Variants in PRKCQ observed in about 807,000 individuals in gnomAD.
The protein encoded by PRKCQ is protein kinase C theta, also known as protein kinase C theta type.
A neutral mutation model predicts 91.2 loss-of-function variants in PRKCQ; 41 were observed. The ratio of observed to expected loss-of-function variants is 0.45; its 90% CI spans 0.35 to 0.58. PRKCQ has a LOEUF of 0.58. PRKCQ is among the 20% of genes least tolerant of loss of function. PRKCQ has a pLI of 0.00. For synonymous variants in PRKCQ, 307 were observed against 316.9 expected, an observed-to-expected ratio of 0.97 and a Z score of 0.33; for missense variants, 673 against 896.5, an observed-to-expected ratio of 0.75 and a Z score of 3.18.
chr10:6,449,487 G>C (rs1178706024), intron 15 of PRKCQ, among the ~76,000 whole-genome samples: 1 of 152,088 alleles, frequency 6.6e-6, no homozygotes, highest in East Asian at 1.9e-4. Flanking sequence ...AGGGAGAATG[G>C]AACCAAGTTG....
intron 15 of PRKCQ, among the ~76,000 whole-genome samples, chr10:6,449,753 G>A (rs1252609314): frequency 6.6e-6 from 1 of 152,194 alleles, no homozygotes; most frequent in Admixed American, 6.5e-5. Context: ...AACTCTACAA[G>A]CCAGAAGACA....
In PRKCQ at chr10:6,479,019, C is replaced by T. The variant is rs17301189; in HGVS notation, c.1326G>A (p.Thr442=). The change falls in exon 12 of 18, where the codon ACG becomes ACA. Residue 442 remains threonine (T), a synonymous_variant. Coordinates refer to ENST00000263125, the MANE Select transcript of PRKCQ (RefSeq NM_006257.5). ...LSLAWEHPFL[T]HMFCTFQTKE... ...TGGTCTGGAATGTACAAAACATGTG[C>T]GTCAGAAACGGATGCTCCCAGGCCA... 9.3e-3 allele frequency: 14,973 copies of T among 1,614,094 alleles called. 93 individuals are homozygous for T. The highest frequency in any genetic ancestry group is 0.01 in the Non-Finnish European group (12,018 of 1,180,010).
chr10:6,443,090 A>G (rs952628801), intron 15 of PRKCQ, among the ~76,000 whole-genome samples: 27 of 152,326 alleles, frequency 1.8e-4, no homozygotes, highest in Middle Eastern at 3.4e-3. Flanking sequence ...AAGCCTACCT[A>G]ACATTTTGAA....
rs139505086 is a variant in PRKCQ at position 6,550,580 on chromosome 10, G to T, written c.-10+29631C>A. 4.2e-3 allele frequency among the ~76,000 whole-genome samples: 637 copies of T among 152,326 alleles called. 2 individuals carry two copies. The highest frequency in any genetic ancestry group is 6.5e-3 in the Admixed American group (100 of 15,304). ...TGAACCACTGTGCCCAGCCTCCATT[G>T]CATGTTTGTAGCATATTTTGTTCAT... On this transcript the variant is annotated intron_variant, in intron 1 of 17. Coordinates refer to ENST00000263125, the MANE Select transcript of PRKCQ (RefSeq NM_006257.5).
chr10:6,579,985 A>C (rs1588446161), intron 1 of PRKCQ, among the ~76,000 whole-genome samples: 1 of 152,108 alleles, frequency 6.6e-6, no homozygotes, highest in African/African-American at 2.4e-5. Context: ...TAAGGTCGCC[A>C]GCATCCCGCA....
At chr10:6,419,189 C>CTCTA in the PRKCQ span, among the ~76,000 whole-genome samples, 17,160 of 151,602 alleles carry the variant, frequency 0.11, 2,703 homozygotes, top group African/African-American at 0.36. Context: ...CTGTCTATCT[C>CTCTA]TCTATCTCTC....
At position 6,576,279 on chromosome 10, in the gene PRKCQ, C is replaced by A. The variant is rs1350603247; in HGVS notation, c.-10+3932G>T. Among the ~76,000 whole-genome samples the A allele has an allele frequency of 6.6e-6, 1 of 152,138 alleles. No homozygotes were observed. Among genetic ancestry groups the A allele is most frequent in the Non-Finnish European group, 1.5e-5 (1 of 68,034 alleles). ...TGTTCCTCTTCACGGCAGCATTATTCACAATAATCAAAAGATAGAAGCAAC... is the reference window on the plus strand; with the variant it reads ...TGTTCCTCTTCACGGCAGCATTATTAACAATAATCAAAAGATAGAAGCAAC... On this transcript the variant is annotated intron_variant, in intron 1 of 17. Coordinates refer to ENST00000263125, the MANE Select transcript of PRKCQ (RefSeq NM_006257.5). The surrounding 1 kb of genome is among the most constrained non-coding windows in gnomAD (Gnocchi z 4.2).
intron 16 of PRKCQ, among the ~76,000 whole-genome samples, chr10:6,434,030 T>TA (rs779037464): frequency 0.44 from 50,759 of 115,508 alleles, 13,003 homozygotes; most frequent in East Asian, 0.81. Flanking sequence ...CAAGACTCCT[T>TA]AAAAAAAAAA....
chr10:6,421,414 C>T, the PRKCQ span, among the ~76,000 whole-genome samples: 5 of 152,218 alleles, frequency 3.3e-5, no homozygotes, highest in East Asian at 3.9e-4. This position sits in a 1 kb window ranked among gnomAD's most constrained non-coding sequence, Gnocchi z 4.1. Context: ...GAGCCCAGGA[C>T]GTGGAGGCTG....
At chr10:6,492,877 C>G (rs1487537919) in intron 7 of PRKCQ, among the ~76,000 whole-genome samples, 1 of 152,190 alleles carries the variant, frequency 6.6e-6, no homozygotes, top group Non-Finnish European at 1.5e-5. Context: ...ATGCCTTATT[C>G]ATCAGCACAG....
chr10:6,515,643 G>C, intron 1 of PRKCQ: 1 of 395,458 alleles, frequency 2.5e-6, no homozygotes, highest in Non-Finnish European at 3.4e-6. Flanking sequence ...TTCGGCAGCT[G>C]ATCCTTATTT....
intron 4 of PRKCQ, among the ~76,000 whole-genome samples, chr10:6,501,070 T>C (rs1376259870): frequency 1.3e-5 from 2 of 151,916 alleles, no homozygotes; most frequent in African/African-American, 2.4e-5. Flanking sequence ...TGAAAAGAAA[T>C]GAAGTTTTCA....
chr10:6,422,867 C>A (rs1291445007), downstream of PRKCQ, among the ~76,000 whole-genome samples: 3 of 152,226 alleles, frequency 2.0e-5, no homozygotes. Context: ...CATCATTGAT[C>A]ACTGTGGTCA....
chr10:6,423,553 G>T (rs74372942), downstream of PRKCQ, among the ~76,000 whole-genome samples: 8 of 152,116 alleles, frequency 5.3e-5, no homozygotes, highest in African/African-American at 1.9e-4. Flanking sequence ...TGACTGGAGG[G>T]CTGCCTGCAA....
chr10:6,515,596 G>C, intron 1 of PRKCQ: 1 of 838,434 alleles, frequency 1.2e-6, no homozygotes, highest in Non-Finnish European at 1.4e-6. Flanking sequence ...ATTCTTACAT[G>C]GTCTATTTAT....
At chr10:6,568,750 G>A (rs532847453) in intron 1 of PRKCQ, among the ~76,000 whole-genome samples, 8 of 152,048 alleles carry the variant, frequency 5.3e-5, no homozygotes, top group African/African-American at 7.2e-5. Flanking sequence ...CGCCCACCTC[G>A]GCCTCCCAAA....
At chr10:6,540,145 C>G (rs1839723579) in intron 1 of PRKCQ, among the ~76,000 whole-genome samples, 1 of 152,162 alleles carries the variant, frequency 6.6e-6, no homozygotes, top group Non-Finnish European at 1.5e-5. Context: ...CCCAGACACA[C>G]AAAGTTTGTC....
chr10:6,572,825 T>C (rs1168780474), intron 1 of PRKCQ, among the ~76,000 whole-genome samples: 2 of 152,310 alleles, frequency 1.3e-5, no homozygotes, highest in East Asian at 3.9e-4. Context: ...TCCACAATGG[T>C]TGGACTAATT....
At chr10:6,507,528 GA>G in intron 3 of PRKCQ, 32 bp from the exon 4 acceptor site, 1 of 1,592,118 alleles carries the variant, frequency 6.3e-7, no homozygotes, top group Non-Finnish European at 8.6e-7. Flanking sequence ...ACATCAGTCA[GA>G]ATGTGAAACA....
Sources: allele counts gnomAD v4.1 joint callset (sites outside exome capture counted in the v4.1 genomes callset), GRCh38; gene constraint gnomAD v4.1.1; non-coding constraint Gnocchi (gnomAD v3.1); transcripts MANE v1.5; gene names NCBI Gene and HGNC (gene_info 2026-07-23, HGNC 2026-07-21).